SOX6: variants seen among roughly 807,000 people sequenced by gnomAD.
SOX6 encodes SRY-box transcription factor 6.
SOX6 carries 11 observed loss-of-function variants against 97.8 expected under a neutral mutation model. That is an observed-to-expected ratio of 0.11 (90% confidence interval 0.07 to 0.19). SOX6 has a LOEUF of 0.19. Ranked by LOEUF, SOX6 falls within the 10% of genes least tolerant of loss-of-function variation. The pLI, the probability that SOX6 is intolerant of heterozygous loss-of-function variation, is 1.00. For missense variants in SOX6, 810 were observed against 1,039.5 expected, an observed-to-expected ratio of 0.78 and a Z score of 3.04; for synonymous variants, 360 against 371.4, an observed-to-expected ratio of 0.97 and a Z score of 0.35.
intron 4 of SOX6, among the ~76,000 whole-genome samples, chr11:16,569,401 T>C (rs1339713463): frequency 6.6e-6 from 1 of 152,190 alleles, no homozygotes; most frequent in East Asian, 1.9e-4. Context: ...TTAATGTCCA[T>C]CTAATTATGT....
intron 3 of SOX6, among the ~76,000 whole-genome samples, chr11:16,670,165 G>A (rs1847837148): frequency 1.3e-5 from 2 of 152,190 alleles, no homozygotes; most frequent in Admixed American, 6.5e-5. Context: ...GAGGATCCCA[G>A]AAGCACAAAA....
chr11:16,553,135 A>G (rs1589982770), intron 4 of SOX6, among the ~76,000 whole-genome samples: 1 of 152,314 alleles, frequency 6.6e-6, no homozygotes, highest in South Asian at 2.1e-4. Flanking sequence ...CCTCCTAGTA[A>G]TGCAGGACAA....
chr11:16,414,523 G>C (rs889395948), intron 1 of SOX6, among the ~76,000 whole-genome samples: 1 of 151,872 alleles, frequency 6.6e-6, no homozygotes, highest in African/African-American at 2.4e-5. Flanking sequence ...ATTATATATG[G>C]TCATGTAGTA....
At chr11:16,312,060 A>C (rs1855619544) in intron 3 of SOX6, 1 of 152,198 alleles carries the variant, frequency 6.6e-6, no homozygotes, top group African/African-American at 2.4e-5. Flanking sequence ...TTACATGCAC[A>C]GTAAAATGAA....
intron 4 of SOX6, among the ~76,000 whole-genome samples, chr11:16,497,006 G>A (rs1369307877): frequency 1.3e-5 from 2 of 152,186 alleles, no homozygotes; most frequent in East Asian, 1.9e-4. Context: ...ATCTGAGAAC[G>A]GACAGACTGC....
chr11:16,237,735 T>C (rs1323640941), intron 3 of SOX6, among the ~76,000 whole-genome samples: 1 of 152,018 alleles, frequency 6.6e-6, no homozygotes, highest in Non-Finnish European at 1.5e-5. Flanking sequence ...TAAACATAAA[T>C]ATATTTTACA....
At chr11:16,398,753 G>A (rs11023932) in intron 1 of SOX6, among the ~76,000 whole-genome samples, 27,772 of 149,958 alleles carry the variant, frequency 0.19, 2,940 homozygotes, top group Admixed American at 0.31. Flanking sequence ...GGCAGCCAGT[G>A]GTTTCACAAA....
chr11:16,035,807 G>A (rs1185262958), intron 12 of SOX6, among the ~76,000 whole-genome samples: 5 of 152,104 alleles, frequency 3.3e-5, no homozygotes, highest in Admixed American at 3.3e-4. Flanking sequence ...TGATAGTATA[G>A]AACAACATAA....
chr11:16,243,122 A>T (rs988121866), intron 3 of SOX6, among the ~76,000 whole-genome samples: 8 of 151,928 alleles, frequency 5.3e-5, no homozygotes, highest in African/African-American at 1.9e-4. Context: ...TTGATTCATC[A>T]CTTCAAACAT....
chr11:16,427,318 C>A, intron 1 of SOX6, among the ~76,000 whole-genome samples: 1 of 111,924 alleles, frequency 8.9e-6, no homozygotes, highest in Admixed American at 1.1e-4. Flanking sequence ...CGGACATGAC[C>A]ATGCACTTTT....
chr11:16,095,109 T>C (rs1163179053), intron 9 of SOX6, among the ~76,000 whole-genome samples: 2 of 151,912 alleles, frequency 1.3e-5, no homozygotes, highest in African/African-American at 2.4e-5. Context: ...TTTCCCATCC[T>C]AGGTTGGACT....
chr11:16,086,978 T>A (rs1434222623), intron 9 of SOX6, among the ~76,000 whole-genome samples: 3 of 152,178 alleles, frequency 2.0e-5, no homozygotes. Flanking sequence ...AAGCTTCTAT[T>A]CCTATATACC....
chr11:16,418,599 C>T (rs1858969445), intron 1 of SOX6, among the ~76,000 whole-genome samples: 1 of 152,056 alleles, frequency 6.6e-6, no homozygotes, highest in South Asian at 2.1e-4. Context: ...CCCACATATT[C>T]CTAACAGCAT....
chr11:16,468,543 C>T (rs1860084083), intron 1 of SOX6, among the ~76,000 whole-genome samples: 1 of 152,044 alleles, frequency 6.6e-6, no homozygotes, highest in East Asian at 1.9e-4. Flanking sequence ...TAGAAGATTG[C>T]CTTATGAGTT....
intron 4 of SOX6, among the ~76,000 whole-genome samples, chr11:16,197,894 C>T (rs987779664): frequency 6.6e-6 from 1 of 152,160 alleles, no homozygotes; most frequent in Non-Finnish European, 1.5e-5. Flanking sequence ...TTCTAAGCCT[C>T]TACTTATAAA....
intron 4 of SOX6, among the ~76,000 whole-genome samples, chr11:16,579,923 GTTA>G (rs1173652547): frequency 6.6e-6 from 1 of 152,090 alleles, no homozygotes; most frequent in Non-Finnish European, 1.5e-5. Context: ...GAGAGTTCCA[GTTA>G]TTATTTACCC....
chr11:15,989,177 G>A lies in SOX6; in HGVS notation c.1786C>T (p.Pro596Ser). ...TCAGCCACAGTGGCACCTCCTGTTG[G>A]CCAACAATAATACTGCTGTAGTTTA... ...AAKLQQYYCW[P>S]TGGATVAEAR... Residue 596 changes from proline to serine, a missense_variant, in exon 14 of 16, where the codon CCA (proline) becomes TCA (serine). This residue lies in a region of SOX6 where 120 missense variants were observed against 127.0 expected (regional missense o/e 0.94). Transcript: ENST00000683767. 6.2e-7 allele frequency: 1 copy of A among 1,614,014 alleles called. No homozygotes were observed. Among genetic ancestry groups the A allele is most frequent in the East Asian group, 2.2e-5 (1 of 44,878 alleles).
intron 3 of SOX6, among the ~76,000 whole-genome samples, chr11:16,304,261 G>A (rs767682706): frequency 6.6e-6 from 1 of 152,048 alleles, no homozygotes; most frequent in African/African-American, 2.4e-5. Context: ...GCTGTGTTCT[G>A]AATTTTGTGT....
intron 1 of SOX6, among the ~76,000 whole-genome samples, chr11:16,369,388 C>T (rs552194911): frequency 6.6e-6 from 1 of 152,182 alleles, no homozygotes; most frequent in African/African-American, 2.4e-5. Context: ...TCATAAACTC[C>T]TAACATACTA....
Sources: allele counts gnomAD v4.1 joint callset (sites outside exome capture counted in the v4.1 genomes callset), GRCh38; gene constraint gnomAD v4.1.1; regional missense constraint gnomAD v4.1.1; transcripts MANE v1.5; gene names NCBI Gene and HGNC (gene_info 2026-07-23, HGNC 2026-07-21).